Variants in GATA4 observed in about 807,000 individuals in gnomAD.
GATA4 encodes GATA binding protein 4, also known as transcription factor GATA-4.
In GATA4, 7 loss-of-function variants were observed where a neutral mutation model predicts 37.9. The ratio of observed to expected loss-of-function variants is 0.18; its 90% CI spans 0.11 to 0.35. The LOEUF (loss-of-function observed/expected upper bound fraction) is 0.35, where lower values mean the gene tolerates loss of function less well. Ranked by LOEUF, GATA4 falls within the 10% of genes least tolerant of loss-of-function variation. The pLI is 1.00. For missense variants in GATA4, 647 were observed against 653.0 expected (o/e 0.99, Z 0.10); for synonymous variants, 372 against 292.6 (o/e 1.27, Z -2.77).
chr8:11,732,415 T>G (rs1801254886), intron 2 of GATA4, among the ~76,000 whole-genome samples: 1 of 152,192 alleles, frequency 6.6e-6, no homozygotes, highest in African/African-American at 2.4e-5. Context: ...GAAGCTCCGT[T>G]TCATCTACTT....
chr8:11,694,269 G>A (rs1170903382), intron 1 of GATA4, among the ~76,000 whole-genome samples: 3 of 152,166 alleles, frequency 2.0e-5, no homozygotes, highest in Non-Finnish European at 4.4e-5. Flanking sequence ...AATAATTCTG[G>A]ATCAGAGGGC....
intron 1 of GATA4, among the ~76,000 whole-genome samples, chr8:11,677,304 G>A (rs1054146274): frequency 2.0e-5 from 3 of 152,216 alleles, no homozygotes; most frequent in Non-Finnish European, 2.9e-5. Flanking sequence ...GGCCGCAGAC[G>A]CCGGGCTTCC....
Position 11,696,415 on chromosome 8 carries a change from A to G in GATA4, c.-729+3755A>G, listed in dbSNP as rs550796928. Among the ~76,000 whole-genome samples the G allele has an allele frequency of 1.9e-4, 11 of 59,054 alleles. No homozygotes were observed. In the Admixed American group the frequency reaches 2.6e-3, roughly 14 times the overall value. 38.7% of individuals were successfully genotyped at this position (59,054 alleles called of 152,430 possible). A position where few individuals can be genotyped will look rare whatever the true frequency, so the allele number is the denominator to read the frequency against. ...TTTTACTTAGCTGAATGCATTCGAG[A>G]TTCATTAGTGTTGCTGGGGTGTTTG... On this transcript the variant is annotated intron_variant, in intron 1 of 2. Coordinates refer to the GATA4 transcript ENST00000526974.
Position 11,708,966 on chromosome 8 carries a change from G to T in GATA4, c.616+38G>T. ...GCGAGGGCTGGGGCGCGTGAGGGCC[G>T]GGGCAGGGGCCGTCTTGAGCCCTGT... is the stretch of plus-strand genomic sequence containing the variant. On this transcript the variant is annotated intron_variant, in intron 2 of 6. Coordinates refer to ENST00000532059, the MANE Select transcript of GATA4 (RefSeq NM_001308093.3). This position sits in a 1 kb window ranked among gnomAD's most constrained non-coding sequence, Gnocchi z 6.7. The T allele has an allele frequency of 6.6e-7, 1 of 1,507,738 alleles. No individual in the cohort carries two copies. The highest frequency in any genetic ancestry group is 8.8e-7 in the Non-Finnish European group (1 of 1,135,146). The allele number at this position is 1,507,738 out of a possible 1,614,324, so 93.4% of individuals were successfully genotyped here.
At chr8:11,730,450 C>T (rs1176789543) in intron 2 of GATA4, among the ~76,000 whole-genome samples, 1 of 152,216 alleles carries the variant, frequency 6.6e-6, no homozygotes, top group East Asian at 1.9e-4. Flanking sequence ...AATGATTTTA[C>T]TAAAAATCGG....
chr8:11,722,806 T>C (rs976480583), intron 2 of GATA4, among the ~76,000 whole-genome samples: 1 of 152,208 alleles, frequency 6.6e-6, no homozygotes, highest in Non-Finnish European at 1.5e-5. Flanking sequence ...TTGTTAGGCA[T>C]TGCTAATGGT....
At chr8:11,715,529 G>A (rs572688147) in intron 2 of GATA4, among the ~76,000 whole-genome samples, 9 of 152,184 alleles carry the variant, frequency 5.9e-5, no homozygotes, top group Admixed American at 4.6e-4. Flanking sequence ...CGGGCGGATC[G>A]TGAGATCAGG....
In GATA4 at chr8:11,687,330, C is replaced by G. The variant is rs528998792; in HGVS notation, c.-274+10267C>G. Among the ~76,000 whole-genome samples the G allele has an allele frequency of 6.6e-5, 10 of 152,240 alleles. No homozygotes were observed. In the East Asian group the frequency reaches 1.9e-3, roughly 29 times the overall value. ...AGGCATCCATAGACCACCCTCCCCC[C>G]GCAGAGAATTATCCAGAGAAGTATC... is the stretch of plus-strand genomic sequence containing the variant. On this transcript the variant is annotated intron_variant, in intron 1 of 6. Transcript: ENST00000528712.
intron 1 of GATA4, among the ~76,000 whole-genome samples, chr8:11,680,258 G>A (rs980935063): frequency 3.3e-5 from 5 of 152,260 alleles, no homozygotes; most frequent in African/African-American, 1.2e-4. Flanking sequence ...GCAGGCGGGA[G>A]ACCAGGCGGT....
chr8:11,752,394 G>A (rs1001901402), intron 4 of GATA4, among the ~76,000 whole-genome samples: 3 of 152,210 alleles, frequency 2.0e-5, no homozygotes, highest in African/African-American at 7.2e-5. Flanking sequence ...ATGGCGGAAG[G>A]TGAAAGGCAC....
intron 2 of GATA4, among the ~76,000 whole-genome samples, chr8:11,741,481 A>C (rs955224271): frequency 2.0e-5 from 3 of 152,048 alleles, no homozygotes; most frequent in South Asian, 4.2e-4. Context: ...CCCATTGAAA[A>C]AAACAAACAA....
Position 11,708,855 on chromosome 8 carries a change from C to G in GATA4, c.543C>G (p.Ala181=), listed in dbSNP as rs544097659. Reference sequence around the variant, plus strand: ...GGGCCGCAGCCGCCGCCGCCTCCGCCGGCCCCTTCGACAGCCCGGTCCTGC... The same window carrying G: ...GGGCCGCAGCCGCCGCCGCCTCCGCGGGCCCCTTCGACAGCCCGGTCCTGC... ...ASWAAAAAAS[A]GPFDSPVLHS... is the part of the protein sequence containing the mutation. Residue 181 remains alanine, a synonymous_variant, in exon 2 of 7, where the codon GCC becomes GCG. Transcript: ENST00000532059. This position sits in a 1 kb window ranked among gnomAD's most constrained non-coding sequence, Gnocchi z 6.7. 6.6e-6 allele frequency: 10 copies of G among 1,503,768 alleles called. No homozygotes were observed. Among genetic ancestry groups the G allele is most frequent in the Admixed American group, 6.3e-5 (3 of 47,676 alleles). The allele number at this position is 1,503,768 out of a possible 1,614,324, so 93.2% of individuals were successfully genotyped here.
rs147398140 is a variant in GATA4 at position 11,753,042 on chromosome 8, G to A, written c.913-2004G>A. On this transcript the variant is annotated intron_variant, in intron 4 of 6. Coordinates refer to ENST00000532059, the MANE Select transcript of GATA4 (RefSeq NM_001308093.3). ...AAATAGAATTACCACATGATCCAGC[G>A]TACCATTTCTGGATATATACCCAAA... Among the ~76,000 whole-genome samples, 232 of 152,238 alleles carry A rather than the reference G, an allele frequency of 1.5e-3. 3 individuals carry two copies. The East Asian group carries it at 0.022, about 14-fold the overall frequency.
At position 11,758,833 on chromosome 8, in the gene GATA4, G is replaced by A. The variant is rs923780493; in HGVS notation, c.*358G>A. ...TAGCACCGAGGATCTGAGAACAAGC[G>A]GAGGGCCGGGCCCTGGGACCCCTGC... is the stretch of plus-strand genomic sequence containing the variant. On this transcript the variant is annotated 3_prime_UTR_variant, in exon 7 of 7. Transcript: ENST00000532059. 6.6e-5 allele frequency: 23 copies of A among 349,316 alleles called. No individual in the cohort carries two copies. Among genetic ancestry groups the A allele is most frequent in the South Asian group, 1.2e-4 (5 of 40,816 alleles). 21.6% of individuals were successfully genotyped at this position (349,316 alleles called of 1,614,324 possible).
chr8:11,684,595 T>C (rs1237530430), intron 1 of GATA4, among the ~76,000 whole-genome samples: 1 of 152,224 alleles, frequency 6.6e-6, no homozygotes, highest in East Asian at 1.9e-4. Context: ...GAATTCCATC[T>C]CCTCCACTCA....
Position 11,709,061 on chromosome 8 carries a change from T to G in GATA4, c.616+133T>G. Reference sequence around the variant, plus strand: ...ATGGTGCTTCACTACCTCGAGTTTCTAGGGAAGGCAGAAGCCAGTGCGGGG... The same window carrying G: ...ATGGTGCTTCACTACCTCGAGTTTCGAGGGAAGGCAGAAGCCAGTGCGGGG... On this transcript the variant is annotated intron_variant, in intron 2 of 6. Coordinates refer to ENST00000532059, the MANE Select transcript of GATA4 (RefSeq NM_001308093.3). This position sits in a 1 kb window ranked among gnomAD's most constrained non-coding sequence, Gnocchi z 4.3. 1.1e-6 allele frequency: 1 copy of G among 936,148 alleles called. No individual in the cohort carries two copies. The highest frequency in any genetic ancestry group is 1.5e-6 in the Non-Finnish European group (1 of 678,280). 58.0% of individuals were successfully genotyped at this position (936,148 alleles called of 1,614,324 possible). A position where few individuals can be genotyped will look rare whatever the true frequency, so the allele number is the denominator to read the frequency against.
chr8:11,749,064 C>A lies in GATA4; in HGVS notation c.765C>A (p.Leu255=). 1 of 1,614,218 alleles carries A rather than the reference C, an allele frequency of 6.2e-7. No individual in the cohort carries two copies. The highest frequency in any genetic ancestry group is 8.5e-7 in the Non-Finnish European group (1 of 1,180,038). ...AGATGAACGGCATCAACCGGCCGCT[C>A]ATCAAGCCTCAGCGCCGGCTGGTAA... ...YHKMNGINRP[L]IKPQRRLSAS... Residue 255 remains leucine (L), a synonymous_variant, in exon 3 of 7, where the codon CTC becomes CTA. Coordinates refer to ENST00000532059, the MANE Select transcript of GATA4 (RefSeq NM_001308093.3). This position sits in a 1 kb window ranked among gnomAD's most constrained non-coding sequence, Gnocchi z 4.6.
chr8:11,703,766 C>A (rs1799769087), upstream of GATA4, among the ~76,000 whole-genome samples: 1 of 152,242 alleles, frequency 6.6e-6, no homozygotes, highest in South Asian at 2.1e-4. Flanking sequence ...CAGGAACTAG[C>A]ATCCAGCCGG....
At chr8:11,756,828 T>G in intron 5 of GATA4, 107 bp from the exon 6 acceptor site, 1 of 1,459,160 alleles carries the variant, frequency 6.9e-7, no homozygotes, top group Non-Finnish European at 9.6e-7. Context: ...CCCCGGCAAA[T>G]GTAGATAAAG....
Sources: allele counts gnomAD v4.1 joint callset (sites outside exome capture counted in the v4.1 genomes callset), GRCh38; gene constraint gnomAD v4.1.1; non-coding constraint Gnocchi (gnomAD v3.1); transcripts MANE v1.5; gene names NCBI Gene and HGNC (gene_info 2026-07-23, HGNC 2026-07-21).